Variants in MYO16 observed in about 807,000 individuals in gnomAD.
MYO16 encodes the protein unconventional myosin-XVI.
MYO16 carries 94 observed loss-of-function variants against 205.3 expected under a neutral mutation model. That is an observed-to-expected ratio of 0.46 (90% CI 0.39 to 0.54). The LOEUF (loss-of-function observed/expected upper bound fraction) is 0.54, where lower values mean the gene tolerates loss of function less well. Among genes scored for constraint, MYO16 ranks in the 20% least tolerant of loss-of-function variants. The pLI is 0.00. For synonymous variants in MYO16, 988 were observed against 954.0 expected, an observed-to-expected ratio of 1.04 and a Z score of -0.66; for missense variants, 2,315 against 2,387.5, an observed-to-expected ratio of 0.97 and a Z score of 0.63.
intron 2 of MYO16, among the ~76,000 whole-genome samples, chr13:108,696,890 T>C (rs932191918): frequency 6.6e-6 from 1 of 151,958 alleles, no homozygotes; most frequent in African/African-American, 2.4e-5. Flanking sequence ...TGCTCAAAGG[T>C]TTCAATTGCT....
chr13:108,910,622 T>TAAAATTA (rs1388655964), intron 16 of MYO16, among the ~76,000 whole-genome samples: 1 of 152,212 alleles, frequency 6.6e-6, no homozygotes, highest in Non-Finnish European at 1.5e-5. Flanking sequence ...TAGGATGCCT[T>TAAAATTA]GGTCATAGGA....
chr13:109,177,575 A>G (rs996593583), intron 33 of MYO16, among the ~76,000 whole-genome samples: 1 of 151,982 alleles, frequency 6.6e-6, no homozygotes, highest in African/African-American at 2.4e-5. Flanking sequence ...CTGGGGTGCA[A>G]TGGAGCAACC....
chr13:108,746,001 C>T (rs1001570409), intron 4 of MYO16, among the ~76,000 whole-genome samples: 3 of 151,428 alleles, frequency 2.0e-5, no homozygotes, highest in African/African-American at 7.3e-5. Flanking sequence ...TCCTGGCTAA[C>T]ACAGTGAAAC....
chr13:109,137,829 A>C (rs1028125652), intron 31 of MYO16, among the ~76,000 whole-genome samples: 3 of 152,192 alleles, frequency 2.0e-5, no homozygotes. Context: ...AGCTTTGCCC[A>C]GGAGCTCTTC....
At chr13:109,096,425 C>T (rs1302201465) in intron 27 of MYO16, among the ~76,000 whole-genome samples, 1 of 152,146 alleles carries the variant, frequency 6.6e-6, no homozygotes, top group Non-Finnish European at 1.5e-5. Context: ...CTCCAAAGAC[C>T]CTAAACATCA....
intron 32 of MYO16, among the ~76,000 whole-genome samples, chr13:109,144,110 G>A (rs1347992715): frequency 6.6e-6 from 1 of 150,794 alleles, no homozygotes; most frequent in Non-Finnish European, 1.5e-5. Context: ...TGCCTTCCAA[G>A]TTCAAGCAAT....
intron 23 of MYO16, among the ~76,000 whole-genome samples, chr13:109,039,390 A>C (rs1347336862): frequency 6.6e-6 from 1 of 152,184 alleles, no homozygotes; most frequent in African/African-American, 2.4e-5. Context: ...CAAAAGCAGA[A>C]CTCATATTCT....
At chr13:108,692,035 A>G (rs1882917383) in intron 2 of MYO16, among the ~76,000 whole-genome samples, 1 of 152,210 alleles carries the variant, frequency 6.6e-6, no homozygotes, top group Non-Finnish European at 1.5e-5. Flanking sequence ...ATCACTTCCA[A>G]TAACAATATT....
At chr13:108,659,339 C>T (rs1881393987) in intron 1 of MYO16, 1 of 402,844 alleles carries the variant, frequency 2.5e-6, no homozygotes, top group South Asian at 1.8e-5. Flanking sequence ...CACACATACA[C>T]AAACACATCT....
At chr13:108,883,948 T>C (rs367930536) in intron 13 of MYO16, among the ~76,000 whole-genome samples, 28 of 152,298 alleles carry the variant, frequency 1.8e-4, no homozygotes, top group African/African-American at 6.3e-4. Context: ...GAATTTGAAA[T>C]GTAATGCTAG....
chr13:109,166,701 A>G (rs56180411), intron 33 of MYO16: 18,290 of 152,316 alleles, frequency 0.12, 1,352 homozygotes, highest in East Asian at 0.26. Context: ...AGCAGTGTCC[A>G]CACAAACACC....
intron 11 of MYO16, among the ~76,000 whole-genome samples, chr13:108,860,722 T>G (rs1385211778): frequency 3.9e-5 from 6 of 152,168 alleles, no homozygotes; most frequent in Admixed American, 3.9e-4. Context: ...TAAATGGTGC[T>G]GGGACAACCG....
intron 10 of MYO16, among the ~76,000 whole-genome samples, chr13:108,846,470 A>G (rs1877525906): frequency 6.6e-6 from 1 of 150,634 alleles, no homozygotes; most frequent in Non-Finnish European, 1.5e-5. Flanking sequence ...CATTATATAT[A>G]TATACATACA....
intron 14 of MYO16, among the ~76,000 whole-genome samples, chr13:108,893,608 G>A (rs7325982): frequency 0.68 from 103,152 of 151,992 alleles, 35,492 homozygotes; most frequent in East Asian, 0.99. Flanking sequence ...GAAAGTTTGA[G>A]GGTCAGGATA....
At chr13:109,007,221 T>C (rs1216449090) in intron 21 of MYO16, among the ~76,000 whole-genome samples, 2 of 151,976 alleles carry the variant, frequency 1.3e-5, no homozygotes, top group Admixed American at 6.6e-5. Context: ...ACCCCATCTC[T>C]ACTAAAAATA....
intron 27 of MYO16, among the ~76,000 whole-genome samples, chr13:109,083,419 A>T (rs980891115): frequency 4.0e-4 from 53 of 132,360 alleles, no homozygotes; most frequent in African/African-American, 1.4e-3. Flanking sequence ...AAAAAAAAAA[A>T]GCTTCTGCAG....
chr13:108,516,965 C>G, the MYO16 span, among the ~76,000 whole-genome samples: 1 of 150,646 alleles, frequency 6.6e-6, no homozygotes, highest in Admixed American at 6.6e-5. Flanking sequence ...GGGTCTCACT[C>G]TGTTTCCCAG....
intron 32 of MYO16, among the ~76,000 whole-genome samples, chr13:109,149,844 A>G (rs965160278): frequency 1.3e-5 from 2 of 151,624 alleles, no homozygotes; most frequent in African/African-American, 4.9e-5. Flanking sequence ...CACATCCAAA[A>G]CTCGTGTCTC....
chr13:108,667,724 T>C (rs1449625814), intron 2 of MYO16, among the ~76,000 whole-genome samples: 1 of 152,190 alleles, frequency 6.6e-6, no homozygotes, highest in Non-Finnish European at 1.5e-5. Flanking sequence ...ATTTAAGCCC[T>C]ATTTTGATTT....
Sources: allele counts gnomAD v4.1 joint callset (sites outside exome capture counted in the v4.1 genomes callset), GRCh38; gene constraint gnomAD v4.1.1; transcripts MANE v1.5; gene names NCBI Gene and HGNC (gene_info 2026-07-23, HGNC 2026-07-21).